The following GRIA1 variants were observed in gnomAD, a reference collection of about 807,000 sequenced individuals.
GRIA1 encodes glutamate ionotropic receptor AMPA type subunit 1.
GRIA1 carries 31 observed loss-of-function variants against 99.2 expected under a neutral mutation model. That is an observed-to-expected ratio of 0.31 (90% CI 0.23 to 0.42). The LOEUF (loss-of-function observed/expected upper bound fraction) is 0.42, where lower values mean the gene tolerates loss of function less well. Ranked by LOEUF, GRIA1 falls within the 10% of genes least tolerant of loss-of-function variation. The probability of loss-of-function intolerance (pLI) is 1.00; values close to 1 mark genes in which losing one functional copy is unlikely to be tolerated. For missense variants in GRIA1, 782 were observed against 1,157.5 expected, an observed-to-expected ratio of 0.68 and a Z score of 4.71; for synonymous variants, 438 against 432.4, an observed-to-expected ratio of 1.01 and a Z score of -0.16.
intron 2 of GRIA1, among the ~76,000 whole-genome samples, chr5:153,583,167 A>AGGC (rs146897164): frequency 0.099 from 15,136 of 152,156 alleles, 883 homozygotes; most frequent in South Asian, 0.25. Context: ...TCCTGGGCTC[A>AGGC]AGTGATCCGT....
intron 8 of GRIA1, among the ~76,000 whole-genome samples, chr5:153,695,255 A>T (rs541098019): frequency 2.1e-4 from 32 of 152,352 alleles, no homozygotes; most frequent in African/African-American, 7.5e-4. Flanking sequence ...TTATAAAAGT[A>T]CTGTGGAGAT....
At chr5:153,537,932 C>T (rs145579074) in intron 2 of GRIA1, among the ~76,000 whole-genome samples, 19 of 152,076 alleles carry the variant, frequency 1.2e-4, no homozygotes, top group Non-Finnish European at 1.9e-4. Flanking sequence ...TGTGATTAGA[C>T]GAAAGGGAAA....
chr5:153,596,934 G>T (rs1399963338), intron 2 of GRIA1, among the ~76,000 whole-genome samples: 6 of 152,192 alleles, frequency 3.9e-5, no homozygotes, highest in African/African-American at 1.4e-4. Flanking sequence ...ACAGGCTGAT[G>T]GGTCAGGCAA....
intron 2 of GRIA1, among the ~76,000 whole-genome samples, chr5:153,536,287 T>G (rs1435552578): frequency 6.6e-6 from 1 of 152,194 alleles, no homozygotes; most frequent in Non-Finnish European, 1.5e-5. Flanking sequence ...CTCAAGACTT[T>G]TAATCGTCCC....
intron 2 of GRIA1, among the ~76,000 whole-genome samples, chr5:153,583,181 C>T (rs1486523093): frequency 6.6e-6 from 1 of 152,166 alleles, no homozygotes; most frequent in Non-Finnish European, 1.5e-5. Flanking sequence ...GATCCGTCTG[C>T]CTCAGCCTCC....
At chr5:153,734,630 A>G (rs1382859860) in intron 11 of GRIA1, among the ~76,000 whole-genome samples, 1 of 152,204 alleles carries the variant, frequency 6.6e-6, no homozygotes, top group Non-Finnish European at 1.5e-5. Context: ...GACAATTACA[A>G]TGTATTGTGA....
At chr5:153,792,097 A>G (rs1765336669) in intron 13 of GRIA1, among the ~76,000 whole-genome samples, 1 of 152,216 alleles carries the variant, frequency 6.6e-6, no homozygotes, top group Admixed American at 6.5e-5. Flanking sequence ...GCACTGTAGC[A>G]TAAGAGATAA....
At chr5:153,643,775 A>G (rs1753943257) in intron 2 of GRIA1, among the ~76,000 whole-genome samples, 1 of 152,222 alleles carries the variant, frequency 6.6e-6, no homozygotes, top group African/African-American at 2.4e-5. Context: ...TGTTTAAGGT[A>G]AGAGATGTTT....
At position 153,504,115 on chromosome 5, in the gene GRIA1, C is replaced by T. The variant is rs967621880; in HGVS notation, c.220+10050C>T. Among the ~76,000 whole-genome samples, 3 of 151,910 alleles carry T rather than the reference C, an allele frequency of 2.0e-5. No individual in the cohort carries two copies. In the East Asian group the frequency reaches 5.8e-4, roughly 29 times the overall value. On this transcript the variant is annotated intron_variant, in intron 2 of 15. Transcript: ENST00000285900. ...CTCATTTCTGAATATGACACAGTGG[C>T]CAGGATATTGTAGTCTTTTGCTTGA...
At chr5:153,665,135 G>A (rs970983364) in intron 5 of GRIA1, among the ~76,000 whole-genome samples, 4 of 152,194 alleles carry the variant, frequency 2.6e-5, no homozygotes, top group Admixed American at 2.0e-4. Flanking sequence ...CCCAGGCCAG[G>A]TAGTACACCC....
intron 14 of GRIA1, among the ~76,000 whole-genome samples, chr5:153,802,095 G>A (rs953696307): frequency 1.3e-5 from 2 of 152,110 alleles, no homozygotes; most frequent in African/African-American, 4.8e-5. Flanking sequence ...AAGGCATTGA[G>A]GAGTGGGGAA....
At position 153,686,203 on chromosome 5, in the gene GRIA1, A is replaced by C. The variant is rs182483056; in HGVS notation, c.1030-22A>C. On this transcript the variant is annotated intron_variant, in intron 7 of 15. Transcript: ENST00000285900. ...TAAAGTACATCTGAGTTCACTGCCC[A>C]CCACTTGGTTTTGTTTTCCAGGTGC... is the stretch of plus-strand genomic sequence containing the variant. 805 of 1,565,920 alleles carry C rather than the reference A, an allele frequency of 5.1e-4. 9 individuals carry two copies. In the African/African-American group the frequency reaches 9.7e-3, roughly 19 times the overall value.
At chr5:153,632,766 G>A (rs1044397220) in intron 2 of GRIA1, among the ~76,000 whole-genome samples, 2 of 152,134 alleles carry the variant, frequency 1.3e-5, no homozygotes, top group Admixed American at 1.3e-4. Flanking sequence ...AAATAGATTA[G>A]ACCCAGCCCT....
At chr5:153,696,102 C>G (rs1051994501) in intron 8 of GRIA1, among the ~76,000 whole-genome samples, 1 of 152,130 alleles carries the variant, frequency 6.6e-6, no homozygotes, top group African/African-American at 2.4e-5. Flanking sequence ...GCAGGGGGCA[C>G]GTCCCTGGAG....
At chr5:153,699,824 C>A (rs1439883524) in intron 10 of GRIA1, among the ~76,000 whole-genome samples, 3 of 152,242 alleles carry the variant, frequency 2.0e-5, no homozygotes, top group Admixed American at 2.0e-4. Flanking sequence ...TAAATTACAG[C>A]AGTTTTGAAA....
At chr5:153,683,785 A>G (rs1195521611) in intron 7 of GRIA1, among the ~76,000 whole-genome samples, 5 of 152,224 alleles carry the variant, frequency 3.3e-5, no homozygotes, top group South Asian at 2.1e-4. Context: ...TATCATCTAA[A>G]TAATATAAAC....
Position 153,655,867 on chromosome 5 carries a change from A to G in GRIA1, c.694A>G (p.Asn232Asp). Residue 232 changes from asparagine (N) to aspartate (D), a missense_variant, in exon 5 of 16, where the codon AAT becomes GAT. Asn to Asp is a conservative substitution (Grantham distance 23). Coordinates refer to ENST00000285900, the MANE Select transcript of GRIA1 (RefSeq NM_000827.4). ...NGIGYHYILA[N>D]LGFMDIDLNK... ...CATCGGCTACCACTACATTCTTGCAAATCTGGTGAGTAGAGCACTGCAGGC... is the reference window on the plus strand; with the variant it reads ...CATCGGCTACCACTACATTCTTGCAGATCTGGTGAGTAGAGCACTGCAGGC... 6.2e-7 allele frequency: 1 copy of G among 1,613,282 alleles called. No homozygotes were observed. The highest frequency in any genetic ancestry group is 8.5e-7 in the Non-Finnish European group (1 of 1,179,428).
chr5:153,590,736 C>T (rs1459964002), intron 2 of GRIA1, among the ~76,000 whole-genome samples: 2 of 152,106 alleles, frequency 1.3e-5, no homozygotes, highest in Admixed American at 6.5e-5. Context: ...CTCTTCAAAA[C>T]TGTTATCTAT....
chr5:153,745,668 TA>T (rs575003708), intron 11 of GRIA1, among the ~76,000 whole-genome samples: 1 of 146,464 alleles, frequency 6.8e-6, no homozygotes, highest in African/African-American at 2.5e-5. Context: ...GAAATCAAAG[TA>T]AAAAGGTAAG....
Sources: allele counts gnomAD v4.1 joint callset (sites outside exome capture counted in the v4.1 genomes callset), GRCh38; gene constraint gnomAD v4.1.1; transcripts MANE v1.5; gene names NCBI Gene and HGNC (gene_info 2026-07-23, HGNC 2026-07-21).